The following IRAG2 variants were observed in gnomAD, a reference collection of about 807,000 sequenced individuals.
The protein encoded by IRAG2 is lymphoid restricted membrane protein.
A neutral mutation model predicts 69.9 loss-of-function variants in IRAG2; 45 were observed. The ratio of observed to expected loss-of-function variants is 0.64; its 90% CI spans 0.51 to 0.83. IRAG2 has a LOEUF of 0.83. Ranked by LOEUF, IRAG2 falls within the 40% of genes least tolerant of loss-of-function variation. IRAG2 has a pLI of 0.00. For missense variants in IRAG2, 520 were observed against 587.0 expected, an observed-to-expected ratio of 0.89 and a Z score of 1.18; for synonymous variants, 193 against 202.4, an observed-to-expected ratio of 0.95 and a Z score of 0.40.
chr12:25,012,894 A>G (rs1248151119), intron 3 of IRAG2, among the ~76,000 whole-genome samples: 1 of 152,238 alleles, frequency 6.6e-6, no homozygotes, highest in Non-Finnish European at 1.5e-5. Flanking sequence ...TAGGATGTAT[A>G]GATAACTTAA....
At chr12:25,027,255 T>A (rs1944629685) in intron 9 of IRAG2, among the ~76,000 whole-genome samples, 1 of 152,128 alleles carries the variant, frequency 6.6e-6, no homozygotes, top group Non-Finnish European at 1.5e-5. Context: ...CTATTGTCTG[T>A]CTCTATAGAT....
rs1592100671 is a variant in IRAG2 at position 25,101,288 on chromosome 12, G to A, written c.852G>A (p.Leu284=). The A allele has an allele frequency of 6.2e-7, 1 of 1,609,454 alleles. No homozygotes were observed. The highest frequency in any genetic ancestry group is 8.5e-7 in the Non-Finnish European group (1 of 1,177,356). The change falls in exon 16 of 22, where the codon CTG becomes CTA. Residue 284 remains leucine (L), a synonymous_variant. Transcript: ENST00000556887. ...AELEELKQVL[L]QNERSFNPLE... is the part of the protein sequence containing the mutation. Reference sequence around the variant, plus strand: ...TAGAAGAACTGAAACAGGTTCTTCTGCAGAATGAAAGGTCTTTCAATCCTC... The same window carrying A: ...TAGAAGAACTGAAACAGGTTCTTCTACAGAATGAAAGGTCTTTCAATCCTC...
intron 1 of IRAG2, chr12:25,005,183 A>T: frequency 1.1e-6 from 1 of 892,276 alleles, no homozygotes; most frequent in Non-Finnish European, 1.5e-6. Context: ...AAAAAAAAGG[A>T]AAATTAATCA....
At chr12:25,076,079 A>T (rs1239737609) in intron 6 of IRAG2, among the ~76,000 whole-genome samples, 9 of 143,742 alleles carry the variant, frequency 6.3e-5, no homozygotes, top group Admixed American at 2.4e-4. Flanking sequence ...AAACCAGATC[A>T]AAAAAAAAAT....
Position 25,045,540 on chromosome 12 carries a change from T to C in IRAG2, c.2145-6695T>C, listed in dbSNP as rs79545783. 8.3e-4 allele frequency among the ~76,000 whole-genome samples: 126 copies of C among 151,984 alleles called. 1 individual carries two copies. Among genetic ancestry groups the C allele is most frequent in the Admixed American group, 2.7e-3 (41 of 15,272 alleles). On this transcript the variant is annotated intron_variant, in intron 16 of 38. Coordinates refer to the IRAG2 transcript ENST00000636465. ...CTCAAAATCAGAAATGAAGGAGATA[T>C]TACAACTAGAACTGCAGAAATACAA...
At chr12:25,020,947 T>G (rs1944573637) in intron 7 of IRAG2, 1 of 1,033,398 alleles carries the variant, frequency 9.7e-7, no homozygotes, top group Admixed American at 4.3e-5. Flanking sequence ...TGGCGTATAA[T>G]TTACATAACT....
chr12:25,105,572 G>A (rs910937124), intron 20 of IRAG2, among the ~76,000 whole-genome samples: 7 of 151,606 alleles, frequency 4.6e-5, no homozygotes, highest in African/African-American at 1.5e-4. Context: ...TAAAGTCCTG[G>A]GAGCCTACTG....
At chr12:25,089,954 G>C (rs1417045693) in intron 13 of IRAG2, 103 bp from the exon 14 acceptor site, 3 of 1,350,672 alleles carry the variant, frequency 2.2e-6, no homozygotes, top group Non-Finnish European at 3.1e-6. Context: ...ATGTTGCTGG[G>C]GGGAGAAAGA....
Position 25,089,680 on chromosome 12 carries a change from A to G in IRAG2, c.437+3A>G, listed in dbSNP as rs1468079707. On this transcript the variant is annotated splice_donor_region_variant and intron_variant, in intron 12 of 21. Transcript: ENST00000556887. ...GTTAACCTTAGACAAAGTGAGAAGTAAGTGCTTCTTCATGTAGCATGTTAA... is the reference window on the plus strand; with the variant it reads ...GTTAACCTTAGACAAAGTGAGAAGTGAGTGCTTCTTCATGTAGCATGTTAA... 5 of 1,608,566 alleles carry G rather than the reference A, an allele frequency of 3.1e-6. No individual in the cohort carries two copies. The highest frequency in any genetic ancestry group is 4.3e-6 in the Non-Finnish European group (5 of 1,175,204).
chr12:25,102,471 T>G, intron 17 of IRAG2: 1 of 500,370 alleles, frequency 2.0e-6, no homozygotes, highest in Non-Finnish European at 3.6e-6. Flanking sequence ...CTCTCTGTTG[T>G]GTAAAACTGA....
intron 1 of IRAG2, among the ~76,000 whole-genome samples, chr12:25,058,643 T>C (rs749610984): frequency 1.1e-4 from 17 of 152,242 alleles, no homozygotes; most frequent in South Asian, 2.1e-4. Context: ...AATAATGTTA[T>C]AATTTTCATT....
At chr12:25,096,628 C>T (rs1948435510) in intron 14 of IRAG2, among the ~76,000 whole-genome samples, 1 of 152,048 alleles carries the variant, frequency 6.6e-6, no homozygotes, top group South Asian at 2.1e-4. Flanking sequence ...GCAGCCCATC[C>T]TATTAGCTGT....
Position 25,089,751 on chromosome 12 carries a change from C to T in IRAG2, c.438-12C>T, listed in dbSNP as rs150296564. 226 of 1,612,906 alleles carry T rather than the reference C, an allele frequency of 1.4e-4. No individual in the cohort carries two copies. The African/African-American group carries it at 2.4e-3, about 17-fold the overall frequency. The stretch of plus-strand genomic sequence containing the variant: ...GATTATGTTTAAATATGTTTTTTGT[C>T]TTATCCTACAGCACTTCTGCTAATG... On this transcript the variant is annotated splice_polypyrimidine_tract_variant and intron_variant, in intron 12 of 21. Transcript: ENST00000556887.
chr12:25,036,926 T>C (rs1591933656), intron 15 of IRAG2, among the ~76,000 whole-genome samples: 2 of 150,308 alleles, frequency 1.3e-5, no homozygotes, highest in East Asian at 4.1e-4. Context: ...AATAAGATGA[T>C]TTAATGAAAA....
In IRAG2 at chr12:25,008,807, C is replaced by CT. The variant is rs895018745; in HGVS notation, c.689-2529dup. ...AGTGTAAGGTGTTTTCTTGGTCATCCTTTTTTTTAAAAAAGTGATATACTA... is the reference window on the plus strand; with the variant it reads ...AGTGTAAGGTGTTTTCTTGGTCATCCTTTTTTTTTAAAAAAGTGATATACTA... On this transcript the variant is annotated intron_variant, in intron 2 of 38. Transcript: ENST00000636465. Among the ~76,000 whole-genome samples, 712 of 151,944 alleles carry CT rather than the reference C, an allele frequency of 4.7e-3. 3 individuals are homozygous for CT. Among genetic ancestry groups the CT allele is most frequent in the African/African-American group, 0.015 (640 of 41,442 alleles).
At chr12:25,059,459 C>T (rs1945469694) in intron 1 of IRAG2, among the ~76,000 whole-genome samples, 2 of 152,162 alleles carry the variant, frequency 1.3e-5, no homozygotes, top group Non-Finnish European at 1.5e-5. Context: ...TCAAGCAATT[C>T]TCCTGCCTCA....
intron 21 of IRAG2, 76 bp downstream of exon 21, chr12:25,107,126 C>G: frequency 3.0e-6 from 2 of 675,630 alleles, no homozygotes; most frequent in Non-Finnish European, 4.8e-6. Flanking sequence ...AGTATTAATC[C>G]TAATCAAATT....
At chr12:25,076,527 G>A (rs1387585317) in intron 6 of IRAG2, 6 of 984,746 alleles carry the variant, frequency 6.1e-6, no homozygotes, top group Non-Finnish European at 6.0e-6. Context: ...GAAAAGGTTT[G>A]CAGAAATGAT....
At chr12:25,045,841 T>C (rs996051735) in intron 16 of IRAG2, among the ~76,000 whole-genome samples, 1 of 26,182 alleles carries the variant, frequency 3.8e-5, no homozygotes, top group Non-Finnish European at 8.1e-5. Flanking sequence ...CTTTACCAAA[T>C]AAAAGATAAA....
Sources: allele counts gnomAD v4.1 joint callset (sites outside exome capture counted in the v4.1 genomes callset), GRCh38; gene constraint gnomAD v4.1.1; transcripts MANE v1.5; gene names NCBI Gene and HGNC (gene_info 2026-07-23, HGNC 2026-07-21).